Variants in EMCN observed in about 807,000 individuals in gnomAD.
EMCN encodes the protein MUC-14.
Under a neutral mutation model 38.4 loss-of-function variants are expected in EMCN, and 37 were observed. The observed-to-expected ratio is 0.96, with a 90% CI of 0.74 to 1.27. The LOEUF is 1.27. Ranked by LOEUF, EMCN falls within the 50% of genes most tolerant of loss-of-function variation. EMCN has a pLI of 0.00. For synonymous variants in EMCN, 95 were observed against 100.8 expected (o/e 0.94, Z 0.35); for missense variants, 318 against 302.8 (o/e 1.05, Z -0.37).
chr4:100,475,668 T>TCTAGTCA (rs1560631537), intron 2 of EMCN, among the ~76,000 whole-genome samples: 1 of 90,502 alleles, frequency 1.1e-5, no homozygotes, highest in Non-Finnish European at 2.1e-5. Context: ...CCTTTTTTTT[T>TCTAGTCA]TTTTTTTTTT....
intron 1 of EMCN, among the ~76,000 whole-genome samples, chr4:100,506,673 G>T (rs952925373): frequency 1.3e-5 from 2 of 152,028 alleles, no homozygotes; most frequent in Non-Finnish European, 2.9e-5. Flanking sequence ...TATTTATATG[G>T]TCATAAAACA....
chr4:100,461,881 T>C (rs1319611032), intron 4 of EMCN, among the ~76,000 whole-genome samples: 1 of 152,210 alleles, frequency 6.6e-6, no homozygotes, highest in African/African-American at 2.4e-5. Flanking sequence ...CTGTTCAACA[T>C]TTAACCAACA....
chr4:100,482,296 GGT>G (rs150646081), intron 1 of EMCN, among the ~76,000 whole-genome samples: 1 of 151,366 alleles, frequency 6.6e-6, no homozygotes, highest in Non-Finnish European at 1.5e-5. Flanking sequence ...CTTTGGTATA[GGT>G]GTGTGTGTGT....
At chr4:100,496,696 A>C (rs1438765701) in intron 1 of EMCN, among the ~76,000 whole-genome samples, 4 of 152,192 alleles carry the variant, frequency 2.6e-5, no homozygotes. Flanking sequence ...AGAGTGAACT[A>C]GTGAGTTTTA....
At chr4:100,498,756 A>G (rs1249091794) in intron 1 of EMCN, among the ~76,000 whole-genome samples, 1 of 152,208 alleles carries the variant, frequency 6.6e-6, no homozygotes, top group Non-Finnish European at 1.5e-5. Context: ...CATAACAATT[A>G]TTAAACTCTA....
intron 5 of EMCN, among the ~76,000 whole-genome samples, chr4:100,441,499 T>C (rs1727517070): frequency 1.3e-5 from 2 of 152,214 alleles, no homozygotes; most frequent in South Asian, 2.1e-4. Context: ...TTTATTTGTA[T>C]CCAAGGTCAT....
chr4:100,416,249 C>A lies in EMCN; in HGVS notation c.690-290G>T, dbSNP rs1164400498. The stretch of plus-strand genomic sequence containing the variant: ...GCCACTCTCTTATAGTGGTGATTGT[C>A]AGATAAATTAAAAATTAGTTTGAGT... On this transcript the variant is annotated intron_variant, in intron 9 of 11. Coordinates refer to ENST00000296420, the MANE Select transcript of EMCN (RefSeq NM_016242.4). Among the ~76,000 whole-genome samples, 4 of 152,146 alleles carry A rather than the reference C, an allele frequency of 2.6e-5. No homozygotes were observed. In the South Asian group the frequency reaches 8.3e-4, roughly 32 times the overall value.
At chr4:100,439,100 G>C (rs1727436130) in intron 5 of EMCN, among the ~76,000 whole-genome samples, 1 of 151,970 alleles carries the variant, frequency 6.6e-6, no homozygotes. Context: ...GTCTGACTTA[G>C]GTATCAAGGT....
At chr4:100,440,722 A>G (rs768232812) in intron 5 of EMCN, among the ~76,000 whole-genome samples, 5 of 152,068 alleles carry the variant, frequency 3.3e-5, no homozygotes, top group African/African-American at 4.8e-5. Context: ...TCATGTTACT[A>G]TAAACATACA....
intron 11 of EMCN, among the ~76,000 whole-genome samples, chr4:100,403,048 A>C (rs1404366131): frequency 6.6e-6 from 1 of 152,126 alleles, no homozygotes; most frequent in Admixed American, 6.6e-5. Flanking sequence ...ATTGCATAGG[A>C]TGGACCAACT....
At chr4:100,458,102 C>A (rs1467942529) in intron 4 of EMCN, among the ~76,000 whole-genome samples, 5 of 150,234 alleles carry the variant, frequency 3.3e-5, no homozygotes, top group African/African-American at 9.8e-5. Context: ...GGCAACAGGG[C>A]AAGACCCTGT....
At chr4:100,460,729 C>T (rs1311630245) in intron 4 of EMCN, among the ~76,000 whole-genome samples, 2 of 152,146 alleles carry the variant, frequency 1.3e-5, no homozygotes, top group Non-Finnish European at 2.9e-5. Context: ...CACAGCCAAA[C>T]CATTATCAAT....
At chr4:100,449,304 T>C (rs1393378325) in intron 4 of EMCN, among the ~76,000 whole-genome samples, 2 of 152,138 alleles carry the variant, frequency 1.3e-5, no homozygotes, top group Non-Finnish European at 2.9e-5. Context: ...ATAAGGGAAA[T>C]ATTGTATTTC....
At position 100,401,528 on chromosome 4, in the gene EMCN, T is replaced by C. The variant is rs138576793; in HGVS notation, c.*40-3155A>G. On this transcript the variant is annotated intron_variant, in intron 11 of 11. Coordinates refer to ENST00000296420, the MANE Select transcript of EMCN (RefSeq NM_016242.4). Reference sequence around the variant, plus strand: ...CTCCATGAATACAGAGAGGCAATTGTAAATATCCTTTATTTATGATGTTTT... The same window carrying C: ...CTCCATGAATACAGAGAGGCAATTGCAAATATCCTTTATTTATGATGTTTT... Among the ~76,000 whole-genome samples the C allele has an allele frequency of 5.2e-3, 795 of 152,278 alleles. 11 individuals are homozygous for C. Among genetic ancestry groups the C allele is most frequent in the African/African-American group, 0.018 (756 of 41,570 alleles).
chr4:100,422,407 G>C (rs1176095172), intron 7 of EMCN, among the ~76,000 whole-genome samples: 1 of 151,824 alleles, frequency 6.6e-6, no homozygotes, highest in Non-Finnish European at 1.5e-5. Flanking sequence ...TAACAGTTTT[G>C]AATATTGTCT....
Position 100,417,152 on chromosome 4 carries a change from A to T in EMCN, c.665-11T>A. 1 of 1,613,738 alleles carries T rather than the reference A, an allele frequency of 6.2e-7. No homozygotes were observed. Among genetic ancestry groups the T allele is most frequent in the Non-Finnish European group, 8.5e-7 (1 of 1,179,672 alleles). On this transcript the variant is annotated splice_polypyrimidine_tract_variant and intron_variant, in intron 8 of 11. Transcript: ENST00000296420. ...CATTTTCTGGTGTGCCTAGGAGAAG[A>T]GGGAGTTGTTATTAGAGTTGCAAAG...
At chr4:100,428,782 G>T (rs1404326078) in intron 5 of EMCN, among the ~76,000 whole-genome samples, 3 of 152,084 alleles carry the variant, frequency 2.0e-5, no homozygotes. Flanking sequence ...CAAAAATAGA[G>T]ACCTACTCTA....
chr4:100,410,379 A>G, intron 10 of EMCN, 24 bp from the exon 11 acceptor site: 3 of 1,611,298 alleles, frequency 1.9e-6, no homozygotes, highest in Non-Finnish European at 2.5e-6. Flanking sequence ...ATATGTTTTG[A>G]TCTGTAAGCT....
chr4:100,421,019 T>A (rs1726871830), intron 8 of EMCN, among the ~76,000 whole-genome samples: 1 of 152,016 alleles, frequency 6.6e-6, no homozygotes, highest in African/African-American at 2.4e-5. Flanking sequence ...CATATTCCCC[T>A]GACCACCCAT....
Sources: gnomAD v4.1 joint callset for allele counts (sites outside exome capture counted in the v4.1 genomes callset) on GRCh38, gnomAD v4.1.1 for gene constraint, MANE v1.5 for transcripts, NCBI Gene and HGNC (gene_info 2026-07-23, HGNC 2026-07-21) for gene names.